DYM: variants seen among roughly 807,000 people sequenced by gnomAD.
DYM encodes dyggve-Melchior-Clausen syndrome protein.
Under a neutral mutation model 93.1 loss-of-function variants are expected in DYM, and 78 were observed. That is an observed-to-expected ratio of 0.84 (90% CI 0.70 to 1.01). The LOEUF is 1.01. DYM is among the 50% of genes least tolerant of loss of function. DYM has a pLI of 0.00. For synonymous variants in DYM, 321 were observed against 319.7 expected (o/e 1.00, Z -0.04); for missense variants, 789 against 845.0 (o/e 0.93, Z 0.82).
At chr18:49,204,398 C>T (rs574733450) in intron 14 of DYM, among the ~76,000 whole-genome samples, 4 of 152,308 alleles carry the variant, frequency 2.6e-5, no homozygotes, top group South Asian at 2.1e-4. Context: ...CAACACTAAA[C>T]TTAGCCCTTC....
chr18:49,308,715 G>A (rs1211772082), intron 8 of DYM, among the ~76,000 whole-genome samples: 1 of 152,066 alleles, frequency 6.6e-6, no homozygotes, highest in Non-Finnish European at 1.5e-5. Flanking sequence ...AGACACTGGC[G>A]GGAGACGGGA....
At chr18:49,309,574 G>T (rs1210327875) in intron 8 of DYM, among the ~76,000 whole-genome samples, 1 of 152,172 alleles carries the variant, frequency 6.6e-6, no homozygotes, top group East Asian at 1.9e-4. Flanking sequence ...AGCTGAGGCT[G>T]CAGTGAGCCA....
intron 2 of DYM, among the ~76,000 whole-genome samples, chr18:49,424,655 G>A (rs1282494259): frequency 5.3e-5 from 8 of 152,150 alleles, no homozygotes. Context: ...CATCAACTCA[G>A]TCCAAAATCT....
intron 8 of DYM, chr18:49,321,260 A>T (rs1306545351): frequency 5.0e-6 from 2 of 397,362 alleles, no homozygotes; most frequent in African/African-American, 4.1e-5. Flanking sequence ...TCAGAAACTT[A>T]TCCCAGGATT....
chr18:49,246,809 A>G (rs1156355969), intron 13 of DYM, among the ~76,000 whole-genome samples: 1 of 152,202 alleles, frequency 6.6e-6, no homozygotes, highest in Non-Finnish European at 1.5e-5. Context: ...TTCTTCTAAG[A>G]TATTTAAATA....
At chr18:49,443,201 T>G (rs554686402) in intron 1 of DYM, among the ~76,000 whole-genome samples, 1 of 152,316 alleles carries the variant, frequency 6.6e-6, no homozygotes, top group East Asian at 1.9e-4. Flanking sequence ...TTTTGTGACA[T>G]GTGTAAATTA....
intron 14 of DYM, among the ~76,000 whole-genome samples, chr18:49,176,203 G>T (rs1433398198): frequency 6.6e-6 from 1 of 152,098 alleles, no homozygotes; most frequent in Non-Finnish European, 1.5e-5. Flanking sequence ...CTTAAAAAAT[G>T]ATGTTACAAA....
intron 6 of DYM, among the ~76,000 whole-genome samples, chr18:49,350,009 T>C (rs1007810447): frequency 6.6e-6 from 1 of 152,184 alleles, no homozygotes; most frequent in Non-Finnish European, 1.5e-5. Context: ...ACAAAAAATT[T>C]TATAATGTAC....
intron 9 of DYM, 133 bp downstream of exon 9, chr18:49,286,301 A>G (rs547823540): frequency 9.7e-7 from 1 of 1,029,230 alleles, no homozygotes; most frequent in East Asian, 2.4e-5. Flanking sequence ...GAAAAGCTAA[A>G]GTTTTTCTCA....
chr18:49,072,133 T>C (rs1326004212), intron 17 of DYM, among the ~76,000 whole-genome samples: 5 of 152,248 alleles, frequency 3.3e-5, no homozygotes, highest in African/African-American at 1.2e-4. Flanking sequence ...ACATATGAAC[T>C]AGATTACATA....
chr18:49,169,601 T>C (rs2088388867), intron 14 of DYM, among the ~76,000 whole-genome samples: 1 of 152,134 alleles, frequency 6.6e-6, no homozygotes, highest in African/African-American at 2.4e-5. Context: ...AGGTGTGAGG[T>C]GGGAGGCAGG....
chr18:49,422,135 A>C (rs1330960114), intron 2 of DYM, among the ~76,000 whole-genome samples: 1 of 152,210 alleles, frequency 6.6e-6, no homozygotes, highest in Non-Finnish European at 1.5e-5. Flanking sequence ...CCAACATTCA[A>C]ATTCAGGAAA....
intron 13 of DYM, among the ~76,000 whole-genome samples, chr18:49,234,397 C>A (rs946759222): frequency 6.6e-6 from 1 of 152,024 alleles, no homozygotes; most frequent in Non-Finnish European, 1.5e-5. Flanking sequence ...GGGGAGATTG[C>A]GGTGAGCCAA....
At chr18:49,337,424 T>C (rs1015347609) in intron 6 of DYM, among the ~76,000 whole-genome samples, 3 of 152,068 alleles carry the variant, frequency 2.0e-5, no homozygotes, top group Non-Finnish European at 4.4e-5. Context: ...GTTTGGCCAA[T>C]AAAAATGGTC....
chr18:49,242,346 G>A (rs931675974), intron 13 of DYM, among the ~76,000 whole-genome samples: 3 of 152,134 alleles, frequency 2.0e-5, no homozygotes, highest in African/African-American at 7.2e-5. Context: ...ACTGGGAGGC[G>A]GAGGTTGCAC....
At chr18:49,109,192 G>T (rs1302101332) in intron 16 of DYM, among the ~76,000 whole-genome samples, 2 of 151,826 alleles carry the variant, frequency 1.3e-5, no homozygotes, top group Non-Finnish European at 1.5e-5. Flanking sequence ...GAGGCATCAG[G>T]ATTATTTGCA....
intron 13 of DYM, among the ~76,000 whole-genome samples, chr18:49,248,054 AC>A (rs1439523184): frequency 6.6e-6 from 1 of 152,208 alleles, no homozygotes; most frequent in African/African-American, 2.4e-5. Context: ...AGAAACTGGA[AC>A]CTTTTTATTG....
intron 13 of DYM, among the ~76,000 whole-genome samples, chr18:49,252,818 C>G (rs999293398): frequency 6.6e-6 from 1 of 152,180 alleles, no homozygotes; most frequent in African/African-American, 2.4e-5. Context: ...TCTTTCTAAT[C>G]TAAAGCAATG....
chr18:49,230,643 G>C (rs930587831), intron 13 of DYM, among the ~76,000 whole-genome samples: 2 of 152,104 alleles, frequency 1.3e-5, no homozygotes, highest in African/African-American at 4.8e-5. Context: ...ACAAACAAAA[G>C]GCTTATTAGA....
Sources: gnomAD v4.1 joint callset for allele counts (sites outside exome capture counted in the v4.1 genomes callset) on GRCh38, gnomAD v4.1.1 for gene constraint, MANE v1.5 for transcripts, NCBI Gene and HGNC (gene_info 2026-07-23, HGNC 2026-07-21) for gene names.